Variants in TXNRD2 observed in about 807,000 individuals in gnomAD.
TXNRD2 encodes thioredoxin reductase 2, mitochondrial.
TXNRD2 carries 67 observed loss-of-function variants against 70.8 expected under a neutral mutation model. That is an observed-to-expected ratio of 0.95 (90% CI 0.78 to 1.16). TXNRD2 has a LOEUF of 1.16. TXNRD2 is among the 50% of genes most tolerant of loss of function. TXNRD2 has a pLI of 0.00. For missense variants in TXNRD2, 644 were observed against 719.9 expected (o/e 0.89, Z 1.21); for synonymous variants, 301 against 295.8 (o/e 1.02, Z -0.18).
At chr22:19,938,969 CA>C (rs934546204) in intron 1 of TXNRD2, among the ~76,000 whole-genome samples, 1 of 152,100 alleles carries the variant, frequency 6.6e-6, no homozygotes, top group Non-Finnish European at 1.5e-5. Flanking sequence ...TGCCATTATA[CA>C]GGCAAAAAAT....
At chr22:19,938,710 G>A (rs1017368640) in intron 1 of TXNRD2, among the ~76,000 whole-genome samples, 8 of 152,124 alleles carry the variant, frequency 5.3e-5, no homozygotes, top group Non-Finnish European at 8.8e-5. Flanking sequence ...CACAAATTGG[G>A]GCTGAAATTA....
intron 14 of TXNRD2, 93 bp from the exon 15 acceptor site, chr22:19,878,530 C>A: frequency 8.5e-7 from 1 of 1,178,452 alleles, no homozygotes; most frequent in South Asian, 1.2e-5. Flanking sequence ...AAGGCAGGGT[C>A]ATGGCGGGCA....
chr22:19,898,942 G>T (rs138021531), intron 9 of TXNRD2, 107 bp downstream of exon 9: 3 of 1,440,972 alleles, frequency 2.1e-6, no homozygotes, highest in East Asian at 2.3e-5. Flanking sequence ...AGTAAGTGCC[G>T]ATCTGAGGCA....
intron 8 of TXNRD2, 190 bp downstream of exon 8, chr22:19,911,187 C>A: frequency 1.4e-6 from 1 of 690,388 alleles, no homozygotes; most frequent in South Asian, 1.5e-5. Context: ...TCCTCCCGCT[C>A]AGTCTCCCAA....
chr22:19,923,261 T>C (rs779052466), intron 2 of TXNRD2, among the ~76,000 whole-genome samples: 26 of 152,254 alleles, frequency 1.7e-4, no homozygotes, highest in Non-Finnish European at 2.9e-4. Flanking sequence ...TCCCTTAAGT[T>C]TTCTCTTTTT....
chr22:19,924,050 G>C (rs184643065), intron 2 of TXNRD2, among the ~76,000 whole-genome samples: 38 of 151,544 alleles, frequency 2.5e-4, no homozygotes, highest in African/African-American at 9.2e-4. Flanking sequence ...CCAGGCACTG[G>C]TGTGCAGCGG....
chr22:19,881,382 TAACTACGGA>T (rs1205794989), intron 12 of TXNRD2: 2 of 291,016 alleles, frequency 6.9e-6, no homozygotes, highest in Non-Finnish European at 1.2e-5. Flanking sequence ...CAGGCCTGAC[TAACTACGGA>T]AACATCCCGG....
intron 4 of TXNRD2, 39 bp from the exon 5 acceptor site, chr22:19,918,256 A>G: frequency 6.4e-7 from 1 of 1,567,466 alleles, no homozygotes; most frequent in South Asian, 1.1e-5. Context: ...TCCACAACAC[A>G]GGTGTTAGCT....
intron 11 of TXNRD2, among the ~76,000 whole-genome samples, chr22:19,892,875 T>A (rs749725311): frequency 6.6e-6 from 1 of 152,240 alleles, no homozygotes; most frequent in Non-Finnish European, 1.5e-5. Context: ...TCCAAAATGT[T>A]ACCTAATCCT....
At chr22:19,930,557 G>A (rs1299571514) in intron 2 of TXNRD2, among the ~76,000 whole-genome samples, 1 of 152,132 alleles carries the variant, frequency 6.6e-6, no homozygotes, top group Non-Finnish European at 1.5e-5. Flanking sequence ...ACTGACCATG[G>A]ACCCTGGGGG....
chr22:19,895,102 T>A, intron 11 of TXNRD2: 1 of 1,598,182 alleles, frequency 6.3e-7, no homozygotes, highest in Middle Eastern at 1.7e-4. Context: ...GCCTAGTTGA[T>A]CCTCGATGAG....
chr22:19,898,270 C>A, intron 9 of TXNRD2, 140 bp from the exon 10 acceptor site: 1 of 775,306 alleles, frequency 1.3e-6, no homozygotes. Context: ...AGACCCCCAC[C>A]TCCACATCTC....
At chr22:19,904,412 G>A (rs10427571) in intron 8 of TXNRD2, among the ~76,000 whole-genome samples, 2,956 of 152,342 alleles carry the variant, frequency 0.019, 83 homozygotes, top group African/African-American at 0.065. Context: ...TCTGCCATCT[G>A]TCCAGCCCTG....
rs1422829601 is a variant in TXNRD2, at chr22:19,907,409, GGC to G, written c.662+3966_662+3967del. 1.3e-3 allele frequency among the ~76,000 whole-genome samples: 34 copies of G among 26,358 alleles called. 1 individual carries two copies. The highest frequency in any genetic ancestry group is 2.8e-3 in the South Asian group (2 of 724). The allele number at this position is 26,358 out of a possible 152,430, so 17.3% of individuals were successfully genotyped here. On this transcript the variant is annotated intron_variant, in intron 8 of 17. Transcript: ENST00000400521. The stretch of plus-strand genomic sequence containing the variant: ...CAGTGACCGCTCTCAGGAGAGTGTG[GGC>G]GCACCGTAAGTAGCAGTGACCGCTC...
chr22:19,905,219 T>G (rs2069289423), intron 8 of TXNRD2, among the ~76,000 whole-genome samples: 1 of 152,180 alleles, frequency 6.6e-6, no homozygotes, highest in Admixed American at 6.5e-5. Context: ...AACCATTTCC[T>G]CACATAAATC....
At chr22:19,883,554 G>C in intron 11 of TXNRD2, 93 bp from the exon 12 acceptor site, 3 of 1,579,070 alleles carry the variant, frequency 1.9e-6, no homozygotes, top group South Asian at 2.2e-5. Context: ...TGTCCACTTA[G>C]AGACCGGGTG....
chr22:19,900,800 A>C (rs1223247601), intron 8 of TXNRD2, among the ~76,000 whole-genome samples: 2 of 151,956 alleles, frequency 1.3e-5, no homozygotes, highest in Non-Finnish European at 2.9e-5. Context: ...TATAAACAGA[A>C]CTCTGCTGCT....
At position 19,880,655 on chromosome 22, in the gene TXNRD2, G is replaced by T; in HGVS notation, c.1149C>A (p.Phe383Leu). Reference protein sequence around the residue: ...MAGRLLVQRLFGGSSDLMDYD... With the variant: ...MAGRLLVQRLLGGSSDLMDYD... ...AGTCCATCAGATCTGAGGACCCGCC[G>T]AAGAGCCGCTGCACCAGGAGCCTCC... The change falls in exon 13 of 18, where the codon TTC becomes TTA. Residue 383 changes from phenylalanine to leucine, a missense_variant. Physicochemically the swap from Phe to Leu is conservative, Grantham distance 22. Coordinates refer to ENST00000400521, the MANE Select transcript of TXNRD2 (RefSeq NM_006440.5). The T allele has an allele frequency of 6.2e-7, 1 of 1,613,432 alleles. No individual in the cohort carries two copies. The highest frequency in any genetic ancestry group is 8.5e-7 in the Non-Finnish European group (1 of 1,180,030).
chr22:19,932,510 G>A, intron 1 of TXNRD2: 1 of 1,573,044 alleles, frequency 6.4e-7, no homozygotes, highest in Non-Finnish European at 8.6e-7. Context: ...ACTGGAGGGA[G>A]GAAGTAGAGA....
Sources: gnomAD v4.1 joint callset for allele counts (sites outside exome capture counted in the v4.1 genomes callset) on GRCh38, gnomAD v4.1.1 for gene constraint, MANE v1.5 for transcripts, NCBI Gene and HGNC (gene_info 2026-07-23, HGNC 2026-07-21) for gene names.